ICA1: variants seen among roughly 807,000 people sequenced by gnomAD.
The protein encoded by ICA1 is islet cell autoantigen 1.
In ICA1, 40 loss-of-function variants were observed where a neutral mutation model predicts 71.0. That is an observed-to-expected ratio of 0.56 (90% CI 0.44 to 0.73). ICA1 has a LOEUF of 0.73. Ranked by LOEUF, ICA1 falls within the 30% of genes least tolerant of loss-of-function variation. The probability of loss-of-function intolerance (pLI) is 0.00; values close to 1 mark genes in which losing one functional copy is unlikely to be tolerated. For missense variants in ICA1, 578 were observed against 576.5 expected (o/e 1.00, Z -0.03); for synonymous variants, 207 against 209.5 (o/e 0.99, Z 0.10).
At chr7:8,242,969 C>A (rs1327512963) in intron 1 of ICA1, among the ~76,000 whole-genome samples, 1 of 152,170 alleles carries the variant, frequency 6.6e-6, no homozygotes, top group Non-Finnish European at 1.5e-5. Flanking sequence ...GGATTCACAG[C>A]CGAATTCTAC....
intron 8 of ICA1, among the ~76,000 whole-genome samples, chr7:8,152,630 TA>T (rs1799383952): frequency 3.2e-4 from 25 of 78,862 alleles, no homozygotes; most frequent in African/African-American, 1.2e-3. Context: ...CTTCCACCAC[TA>T]CCACCATCTC....
At chr7:8,230,325 A>G (rs1799891480) in intron 3 of ICA1, among the ~76,000 whole-genome samples, 1 of 152,230 alleles carries the variant, frequency 6.6e-6, no homozygotes, top group Non-Finnish European at 1.5e-5. Flanking sequence ...TTGGAACACA[A>G]GTTTTCTGTG....
intron 6 of ICA1, among the ~76,000 whole-genome samples, chr7:8,204,202 C>A (rs939117541): frequency 6.6e-6 from 1 of 152,170 alleles, no homozygotes; most frequent in South Asian, 2.1e-4. Context: ...GTCTCCTCTA[C>A]CCCAGAAACC....
chr7:8,231,704 A>C, intron 3 of ICA1, among the ~76,000 whole-genome samples: 1 of 152,186 alleles, frequency 6.6e-6, no homozygotes, highest in East Asian at 1.9e-4. Flanking sequence ...CAGCCTTAAC[A>C]TTACAAAGTT....
chr7:8,246,283 C>T (rs1429085493), intron 1 of ICA1, among the ~76,000 whole-genome samples: 5 of 152,208 alleles, frequency 3.3e-5, no homozygotes, highest in African/African-American at 7.2e-5. Context: ...TCAAAGAAGA[C>T]AAAGCAGTTG....
intron 12 of ICA1, among the ~76,000 whole-genome samples, chr7:8,135,026 A>T (rs796928953): frequency 2.6e-4 from 8 of 30,334 alleles, no homozygotes; most frequent in African/African-American, 6.0e-4. Context: ...TCTTTATAGA[A>T]TTTTTTTTAT....
At chr7:8,219,463 TG>T (rs1796384411) in intron 5 of ICA1, among the ~76,000 whole-genome samples, 1 of 152,252 alleles carries the variant, frequency 6.6e-6, no homozygotes, top group Non-Finnish European at 1.5e-5. Context: ...CTTACGTGCG[TG>T]TAGCACGGTA....
chr7:8,185,081 A>G (rs79806496), intron 6 of ICA1, among the ~76,000 whole-genome samples: 1 of 146,764 alleles, frequency 6.8e-6, no homozygotes, highest in Non-Finnish European at 1.5e-5. Flanking sequence ...CTCAAAAAAG[A>G]AAAAAAAAAA....
At chr7:8,257,270 C>G (rs1810540171) in intron 1 of ICA1, among the ~76,000 whole-genome samples, 1 of 152,214 alleles carries the variant, frequency 6.6e-6, no homozygotes, top group African/African-American at 2.4e-5. Flanking sequence ...TTCTTGGTTT[C>G]TGGCTTAGAA....
At chr7:8,170,060 A>G (rs1195114072) in intron 6 of ICA1, among the ~76,000 whole-genome samples, 2 of 152,024 alleles carry the variant, frequency 1.3e-5, no homozygotes, top group Non-Finnish European at 2.9e-5. Flanking sequence ...ACATTTACAC[A>G]TGGTGTGGGA....
At chr7:8,213,016 A>G (rs985426230) in intron 6 of ICA1, among the ~76,000 whole-genome samples, 2 of 152,332 alleles carry the variant, frequency 1.3e-5, no homozygotes, top group African/African-American at 2.4e-5. Context: ...CGGCATTCAC[A>G]TACTCTAAAA....
chr7:8,129,393 T>C (rs2128075540), intron 12 of ICA1, among the ~76,000 whole-genome samples: 1 of 151,928 alleles, frequency 6.6e-6, no homozygotes, highest in Non-Finnish European at 1.5e-5. Flanking sequence ...AAAAAAGTTC[T>C]CTGTGTTGGC....
intron 2 of ICA1, among the ~76,000 whole-genome samples, chr7:8,233,520 A>T (rs911667087): frequency 2.6e-5 from 4 of 151,242 alleles, no homozygotes; most frequent in Non-Finnish European, 5.9e-5. Flanking sequence ...AGGCCTCCTG[A>T]GTAGCTGGGA....
At chr7:8,117,706 G>GTT (rs1186184981) in intron 13 of ICA1, among the ~76,000 whole-genome samples, 1 of 152,162 alleles carries the variant, frequency 6.6e-6, no homozygotes, top group Admixed American at 6.5e-5. Flanking sequence ...TCGTCACAGT[G>GTT]TTTTTTAAGG....
In ICA1 at chr7:8,124,907, G is replaced by A. The variant is rs563773879; in HGVS notation, c.1330+2966C>T. 1.3e-3 allele frequency among the ~76,000 whole-genome samples: 193 copies of A among 151,986 alleles called. 1 individual carries two copies. The highest frequency in any genetic ancestry group is 4.4e-3 in the African/African-American group (181 of 41,418). On this transcript the variant is annotated intron_variant, in intron 13 of 13. Coordinates refer to ENST00000402384, the MANE Select transcript of ICA1 (RefSeq NM_001136020.3). ...GGATTCAAATGATTCTCCTGCCTCA[G>A]CCTCCCGAGTAGCTGGACCTACAGG...
intron 9 of ICA1, chr7:8,142,103 C>T (rs1291520196): frequency 1.1e-6 from 1 of 911,614 alleles, no homozygotes. Flanking sequence ...ACAGTTATCA[C>T]CTTAAAAATA....
In ICA1 at chr7:8,218,492, C is replaced by T. The variant is rs778660693; in HGVS notation, c.392G>A (p.Arg131Gln). 127 of 1,613,928 alleles carry T rather than the reference C, an allele frequency of 7.9e-5. No homozygotes were observed. Among genetic ancestry groups the T allele is most frequent in the Non-Finnish European group, 1.0e-4 (123 of 1,179,948 alleles). ...CFSSQQRLAL[R>Q]NPLCRFHQEV... is the part of the protein sequence containing the mutation. ...TTGGTGAAATCGACACAAAGGATTT[C>T]GTAAGGCCAACCTAGACAAGAGGAC... is the stretch of plus-strand genomic sequence containing the variant. Residue 131 changes from arginine (R) to glutamine (Q), a missense_variant, in exon 6 of 14, where the codon CGA becomes CAA. Physicochemically the swap from Arg to Gln is conservative, Grantham distance 43. Coordinates refer to ENST00000402384, the MANE Select transcript of ICA1 (RefSeq NM_001136020.3).
intron 6 of ICA1, among the ~76,000 whole-genome samples, chr7:8,217,866 C>T (rs1231172165): frequency 1.3e-5 from 2 of 152,140 alleles, no homozygotes; most frequent in East Asian, 3.9e-4. Flanking sequence ...GCAACTAAAC[C>T]CCACTGCTTC....
At chr7:8,242,443 A>C (rs1804310621) in intron 1 of ICA1, among the ~76,000 whole-genome samples, 1 of 152,344 alleles carries the variant, frequency 6.6e-6, no homozygotes, top group East Asian at 1.9e-4. Flanking sequence ...TATAGCACTA[A>C]GTGCCCACAA....
Sources: allele counts gnomAD v4.1 joint callset (sites outside exome capture counted in the v4.1 genomes callset), GRCh38; gene constraint gnomAD v4.1.1; transcripts MANE v1.5; gene names NCBI Gene and HGNC (gene_info 2026-07-23, HGNC 2026-07-21).